VWC2L: variants seen among roughly 807,000 people sequenced by gnomAD.
VWC2L encodes von Willebrand factor C domain containing 2 like.
Under a neutral mutation model 21.6 loss-of-function variants are expected in VWC2L, and 10 were observed. The ratio of observed to expected loss-of-function variants is 0.46; its 90% CI spans 0.29 to 0.78. The LOEUF (loss-of-function observed/expected upper bound fraction) is 0.78. Among genes scored for constraint, VWC2L ranks in the 30% least tolerant of loss-of-function variants. The pLI is 0.10. For missense variants in VWC2L, 209 were observed against 277.1 expected (o/e 0.75, Z 1.74); for synonymous variants, 96 against 94.3 (o/e 1.02, Z -0.10).
intron 3 of VWC2L, among the ~76,000 whole-genome samples, chr2:214,482,523 G>A (rs969513711): frequency 6.8e-6 from 1 of 148,110 alleles, no homozygotes; most frequent in African/African-American, 2.5e-5. Flanking sequence ...GTATATGTGT[G>A]TATCTATATA....
chr2:214,452,804 C>T (rs753407602), intron 3 of VWC2L, among the ~76,000 whole-genome samples: 9 of 152,182 alleles, frequency 5.9e-5, no homozygotes, highest in African/African-American at 2.2e-4. Flanking sequence ...GTTCTGTCAT[C>T]GTGGTGTTAA....
intron 2 of VWC2L, among the ~76,000 whole-genome samples, chr2:214,423,203 C>A (rs1022978007): frequency 2.0e-5 from 3 of 151,876 alleles, no homozygotes; most frequent in Non-Finnish European, 4.4e-5. Flanking sequence ...ATAAATTTTT[C>A]TGTTTGTAAA....
At chr2:214,441,043 T>C (rs1224993765) in intron 3 of VWC2L, among the ~76,000 whole-genome samples, 1 of 152,150 alleles carries the variant, frequency 6.6e-6, no homozygotes, top group Non-Finnish European at 1.5e-5. Context: ...TTCAACTAAA[T>C]TAAAGTTGTC....
At chr2:214,567,324 T>G (rs1359547395) in intron 3 of VWC2L, among the ~76,000 whole-genome samples, 1 of 152,054 alleles carries the variant, frequency 6.6e-6, no homozygotes, top group Admixed American at 6.6e-5. Context: ...GAGCAGGGTA[T>G]CTAGTACTGA....
chr2:214,429,017 C>T (rs1702564378), intron 2 of VWC2L, among the ~76,000 whole-genome samples: 1 of 152,084 alleles, frequency 6.6e-6, no homozygotes, highest in Non-Finnish European at 1.5e-5. Context: ...ATGTTTTCTG[C>T]AGAATAGGCC....
At chr2:214,504,782 T>C (rs1688944516) in intron 3 of VWC2L, among the ~76,000 whole-genome samples, 1 of 152,172 alleles carries the variant, frequency 6.6e-6, no homozygotes, top group South Asian at 2.1e-4. Context: ...ACAAGCCTGT[T>C]GGGCAGCCTG....
In VWC2L at chr2:214,575,906, A is replaced by G. The variant is rs1690222666; in HGVS notation, c.*86A>G. On this transcript the variant is annotated 3_prime_UTR_variant, in exon 4 of 4. Coordinates refer to ENST00000312504, the MANE Select transcript of VWC2L (RefSeq NM_001080500.4). ...ATGTTTAACACAAAACAAAACAAAC[A>G]AACTCCTGCCAGCTACAACAGGGTC... 1 of 1,450,362 alleles carries G rather than the reference A, an allele frequency of 6.9e-7. No individual in the cohort carries two copies. The highest frequency in any genetic ancestry group is 9.3e-7 in the Non-Finnish European group (1 of 1,077,070). The allele number at this position is 1,450,362 out of a possible 1,614,324, so 89.8% of individuals were successfully genotyped here.
intron 3 of VWC2L, among the ~76,000 whole-genome samples, chr2:214,500,173 T>C (rs1344955057): frequency 1.3e-5 from 2 of 152,220 alleles, no homozygotes; most frequent in Non-Finnish European, 2.9e-5. Flanking sequence ...TTTGGGTAAA[T>C]ATTTCACCTA....
At chr2:214,479,953 G>C (rs1277496623) in intron 3 of VWC2L, among the ~76,000 whole-genome samples, 1 of 152,226 alleles carries the variant, frequency 6.6e-6, no homozygotes, top group Non-Finnish European at 1.5e-5. Flanking sequence ...TCCTAGGATG[G>C]TTGTGTCATT....
chr2:214,508,046 G>A (rs2105904203), intron 3 of VWC2L, among the ~76,000 whole-genome samples: 1 of 152,052 alleles, frequency 6.6e-6, no homozygotes, highest in African/African-American at 2.4e-5. Flanking sequence ...GCGTGATCTC[G>A]GCTCACTGCA....
intron 3 of VWC2L, among the ~76,000 whole-genome samples, chr2:214,569,401 C>G (rs969257994): frequency 6.6e-6 from 1 of 152,130 alleles, no homozygotes. Flanking sequence ...TCATGGCCAA[C>G]AAGGCCCCCA....
At chr2:214,509,098 G>A (rs1689014197) in intron 3 of VWC2L, among the ~76,000 whole-genome samples, 1 of 152,030 alleles carries the variant, frequency 6.6e-6, no homozygotes, top group African/African-American at 2.4e-5. Flanking sequence ...GTGGGATTCT[G>A]CTCCAGATGC....
chr2:214,558,660 G>T (rs953221839), intron 3 of VWC2L, among the ~76,000 whole-genome samples: 2 of 152,014 alleles, frequency 1.3e-5, no homozygotes, highest in Non-Finnish European at 2.9e-5. Context: ...TGTAAAAATT[G>T]ATTCAATTAT....
intron 2 of VWC2L, among the ~76,000 whole-genome samples, chr2:214,424,595 C>T (rs541305427): frequency 1.2e-4 from 18 of 152,248 alleles, no homozygotes; most frequent in South Asian, 4.1e-4. Flanking sequence ...ATTTTTACTA[C>T]GATTACTATT....
chr2:214,567,914 A>G (rs994910261), intron 3 of VWC2L, among the ~76,000 whole-genome samples: 10 of 152,202 alleles, frequency 6.6e-5, no homozygotes, highest in Non-Finnish European at 1.5e-4. Flanking sequence ...CAAAGTGTTA[A>G]CAAAATTGCA....
chr2:214,447,954 C>T (rs542778871), intron 3 of VWC2L, among the ~76,000 whole-genome samples: 1 of 152,034 alleles, frequency 6.6e-6, no homozygotes, highest in Non-Finnish European at 1.5e-5. Flanking sequence ...CCCTTTTTCC[C>T]TGCTTGTCTC....
At chr2:214,467,943 A>C (rs572230290) in intron 3 of VWC2L, among the ~76,000 whole-genome samples, 8 of 152,276 alleles carry the variant, frequency 5.3e-5, no homozygotes, top group African/African-American at 1.7e-4. Flanking sequence ...CCCAGGAGTT[A>C]GAGACCAGCC....
At position 214,438,853 on chromosome 2, in the gene VWC2L, T is replaced by A. The variant is rs77504229; in HGVS notation, c.520+2095T>A. ...ATTAATTAGTAACCACTAGTATTTC[T>A]GATAAACAGATGCTAAGTACACAAG... On this transcript the variant is annotated intron_variant, in intron 3 of 3. Transcript: ENST00000312504. 2.9e-4 allele frequency among the ~76,000 whole-genome samples: 44 copies of A among 152,194 alleles called. No homozygotes were observed. The East Asian group carries it at 5.8e-3, about 20-fold the overall frequency.
chr2:214,451,092 G>C (rs1310508307), intron 3 of VWC2L, among the ~76,000 whole-genome samples: 10 of 152,006 alleles, frequency 6.6e-5, no homozygotes. Context: ...AGCAGCATCA[G>C]TATTAGGTAG....
Sources: allele counts gnomAD v4.1 joint callset (sites outside exome capture counted in the v4.1 genomes callset), GRCh38; gene constraint gnomAD v4.1.1; transcripts MANE v1.5; gene names NCBI Gene and HGNC (gene_info 2026-07-23, HGNC 2026-07-21).